PALD1: variants seen among roughly 807,000 people sequenced by gnomAD.
PALD1 encodes the protein phosphatase domain containing paladin 1.
Under a neutral mutation model 96.0 loss-of-function variants are expected in PALD1, and 57 were observed. The ratio of observed to expected loss-of-function variants is 0.59; its 90% CI spans 0.48 to 0.74. The LOEUF is 0.74. PALD1 is among the 30% of genes least tolerant of loss of function. The pLI, the probability that PALD1 is intolerant of heterozygous loss-of-function variation, is 0.00. For synonymous variants in PALD1, 464 were observed against 473.6 expected (o/e 0.98, Z 0.26); for missense variants, 1,063 against 1,143.7 (o/e 0.93, Z 1.02).
chr10:70,506,939 T>C (rs1345024021), intron 1 of PALD1, among the ~76,000 whole-genome samples: 1 of 152,142 alleles, frequency 6.6e-6, no homozygotes, highest in African/African-American at 2.4e-5. Context: ...AGCATTTTCT[T>C]TCAGGCAGTC....
At chr10:70,535,313 G>T (rs1259253548) in intron 10 of PALD1, among the ~76,000 whole-genome samples, 1 of 152,212 alleles carries the variant, frequency 6.6e-6, no homozygotes, top group Non-Finnish European at 1.5e-5. Context: ...ACAGCGCATG[G>T]AAAGAATCTA....
At chr10:70,462,647 G>T in the PALD1 span, among the ~76,000 whole-genome samples, 1 of 152,252 alleles carries the variant, frequency 6.6e-6, no homozygotes, top group Non-Finnish European at 1.5e-5. Context: ...AGCTGGCCAA[G>T]GTGCCTCCCT....
At position 70,568,398 on chromosome 10, in the gene PALD1, A is replaced by AT. The variant is rs3034645; in HGVS notation, c.*1679dup. On this transcript the variant is annotated 3_prime_UTR_variant, in exon 20 of 20. Transcript: ENST00000263563. ...GGGGTGTTGTGAGGATTCATTTGTG[A>AT]TTTTTTTTTTTTTTGTACAGAGCTT... 4,807 of 144,582 alleles carry AT rather than the reference A, an allele frequency of 0.033. 255 individuals carry two copies. The highest frequency in any genetic ancestry group is 0.11 in the African/African-American group (4,213 of 38,906). The allele number at this position is 144,582 out of a possible 1,614,324, so 9.0% of individuals were successfully genotyped here.
the PALD1 span, among the ~76,000 whole-genome samples, chr10:70,465,362 A>G: frequency 1.3e-5 from 2 of 152,160 alleles, no homozygotes; most frequent in African/African-American, 4.8e-5. Flanking sequence ...TGAGGCTCAG[A>G]GAAGGGAATA....
At chr10:70,507,839 C>T (rs1241633085) in intron 1 of PALD1, among the ~76,000 whole-genome samples, 1 of 151,834 alleles carries the variant, frequency 6.6e-6, no homozygotes, top group Admixed American at 6.6e-5. Flanking sequence ...CTTGCCCAGG[C>T]TAGCTTTTTA....
intron 18 of PALD1, among the ~76,000 whole-genome samples, chr10:70,548,508 G>C (rs533664391): frequency 6.6e-6 from 1 of 152,300 alleles, no homozygotes; most frequent in East Asian, 1.9e-4. Flanking sequence ...ATTCACTTCT[G>C]TTCCTCTCTG....
rs866822750 is a variant in PALD1 at position 70,540,200 on chromosome 10, G to T, written c.1908+438G>T. Among the ~76,000 whole-genome samples, 10 of 151,712 alleles carry T rather than the reference G, an allele frequency of 6.6e-5. No homozygotes were observed. Among genetic ancestry groups the T allele is most frequent in the Admixed American group, 1.3e-4 (2 of 15,214 alleles). On this transcript the variant is annotated intron_variant, in intron 15 of 19. Transcript: ENST00000263563. The surrounding 1 kb of genome is among the most constrained non-coding windows in gnomAD (Gnocchi z 4.2). ...TATTTGTTATAAGGTGTGTGTGTGT[G>T]TTGAGGGTGAACATGTCCAGGGTGT...
chr10:70,530,018 C>T lies in PALD1; in HGVS notation c.418C>T (p.Leu140Phe), dbSNP rs759057667. 2.1e-5 allele frequency: 33 copies of T among 1,585,860 alleles called. No homozygotes were observed. The highest frequency in any genetic ancestry group is 2.6e-5 in the Non-Finnish European group (30 of 1,167,150). Residue 140 changes from leucine (L) to phenylalanine (F), a missense_variant, in exon 4 of 20, where the codon CTC becomes TTC. Transcript: ENST00000263563. Reference sequence around the variant, plus strand: ...TGTGTTCGGCATGGGACAGCCCAGCCTCTCAGGGTTCAGGCGGGTCCTCCA... The same window carrying T: ...TGTGTTCGGCATGGGACAGCCCAGCTTCTCAGGGTTCAGGCGGGTCCTCCA... ...LTVFGMGQPSLSGFRRVLQKL... is the reference protein window; with the variant it reads ...LTVFGMGQPSFSGFRRVLQKL...
chr10:70,505,795 C>G (rs534268140), intron 1 of PALD1, among the ~76,000 whole-genome samples: 1 of 151,710 alleles, frequency 6.6e-6, no homozygotes, highest in South Asian at 2.1e-4. Flanking sequence ...CTGAGGTGGG[C>G]GGGTCACTTG....
chr10:70,508,784 C>CATGT (rs1554855622), intron 1 of PALD1, among the ~76,000 whole-genome samples: 1 of 100,034 alleles, frequency 1.0e-5, no homozygotes, highest in Admixed American at 1.0e-4. Context: ...CTCTGTATGG[C>CATGT]GTGTGTGTGT....
chr10:70,470,987 T>C, the PALD1 span, among the ~76,000 whole-genome samples: 2 of 151,854 alleles, frequency 1.3e-5, no homozygotes, highest in African/African-American at 4.8e-5. Flanking sequence ...TTTTTTTTTT[T>C]TGTGGTACTT....
Position 70,543,181 on chromosome 10 carries a change from G to C in PALD1, c.2121+1647G>C, listed in dbSNP as rs1847289547. Among the ~76,000 whole-genome samples the C allele has an allele frequency of 4.6e-5, 7 of 151,238 alleles. No homozygotes were observed. In the South Asian group the frequency reaches 1.5e-3, roughly 32 times the overall value. On this transcript the variant is annotated intron_variant, in intron 17 of 19. Transcript: ENST00000263563. ...TCAATATCTTTTTATGTGTTTATTG[G>C]CCACTTGTATATCTTCTTTGGAGAA...
At chr10:70,458,780 C>T in the PALD1 span, among the ~76,000 whole-genome samples, 1 of 152,240 alleles carries the variant, frequency 6.6e-6, no homozygotes, top group Non-Finnish European at 1.5e-5. Flanking sequence ...CCCCTCCCAT[C>T]TGTCCCGTCC....
At chr10:70,501,426 C>G (rs4746041) in intron 1 of PALD1, among the ~76,000 whole-genome samples, 39 of 152,164 alleles carry the variant, frequency 2.6e-4, no homozygotes, top group African/African-American at 9.4e-4. Context: ...TGCAGGAGAG[C>G]GAGGCTCAGA....
rs1847809103 is a variant in PALD1, at chr10:70,564,654, G to A, written c.2418+135G>A. 8.8e-6 allele frequency: 7 copies of A among 791,718 alleles called. No homozygotes were observed. In the South Asian group the frequency reaches 1.0e-4, roughly 12 times the overall value. The allele number at this position is 791,718 out of a possible 1,614,324, so 49.0% of individuals were successfully genotyped here. A position where few individuals can be genotyped will look rare whatever the true frequency, so the allele number is the denominator to read the frequency against. On this transcript the variant is annotated intron_variant, in intron 19 of 19. Coordinates refer to ENST00000263563, the MANE Select transcript of PALD1 (RefSeq NM_014431.3). ...GGGAAGAGCCCCCATCCCCCTTTCT[G>A]CAGGAGGCTTCTGTTTGGCCAAGAG...
At position 70,497,035 on chromosome 10, in the gene PALD1, G is replaced by A. The variant is rs116234461; in HGVS notation, c.-30+17976G>A. 9.5e-3 allele frequency among the ~76,000 whole-genome samples: 1,439 copies of A among 152,256 alleles called. 35 individuals are homozygous for A. The highest frequency in any genetic ancestry group is 0.033 in the African/African-American group (1,373 of 41,550). Reference sequence around the variant, plus strand: ...ATTTCCAAGTCTCGTTTCACTGGGCGTGCCCACGAAGCAGCAGTCTTCTCT... The same window carrying A: ...ATTTCCAAGTCTCGTTTCACTGGGCATGCCCACGAAGCAGCAGTCTTCTCT... On this transcript the variant is annotated intron_variant, in intron 1 of 19. Coordinates refer to ENST00000263563, the MANE Select transcript of PALD1 (RefSeq NM_014431.3).
chr10:70,531,242 T>G (rs778757566), intron 4 of PALD1, 48 bp from the exon 5 acceptor site: 1 of 1,544,014 alleles, frequency 6.5e-7, no homozygotes, highest in Non-Finnish European at 8.9e-7. Context: ...TGCAGGTGTC[T>G]GTGCGGGATC....
the PALD1 span, among the ~76,000 whole-genome samples, chr10:70,465,210 G>A: frequency 1.3e-5 from 2 of 151,834 alleles, no homozygotes; most frequent in East Asian, 1.9e-4. Context: ...TCCTGACCTC[G>A]TGATCCGCCC....
At chr10:70,562,646 C>G (rs897122649) in intron 18 of PALD1, among the ~76,000 whole-genome samples, 10 of 152,180 alleles carry the variant, frequency 6.6e-5, no homozygotes, top group Admixed American at 2.6e-4. Flanking sequence ...TGTGCCACGT[C>G]CTCTTCCTGG....
Sources: gnomAD v4.1 joint callset for allele counts (sites outside exome capture counted in the v4.1 genomes callset) on GRCh38, gnomAD v4.1.1 for gene constraint, Gnocchi (gnomAD v3.1) non-coding constraint, MANE v1.5 for transcripts, NCBI Gene and HGNC (gene_info 2026-07-23, HGNC 2026-07-21) for gene names.